The following EPB41L3 variants were observed in gnomAD, a reference collection of about 807,000 sequenced individuals.
EPB41L3 encodes the protein erythrocyte membrane protein band 4.1 like 3.
A neutral mutation model predicts 127.1 loss-of-function variants in EPB41L3; 57 were observed. The ratio of observed to expected loss-of-function variants is 0.45; its 90% confidence interval spans 0.36 to 0.56. The LOEUF is 0.56. EPB41L3 is among the 20% of genes least tolerant of loss of function. The pLI is 0.00. For missense variants in EPB41L3, 1,273 were observed against 1,372.2 expected (o/e 0.93, Z 1.14); for synonymous variants, 572 against 549.5 (o/e 1.04, Z -0.57).
rs77718075 is a variant in EPB41L3, at chr18:5,399,213, C to T, written c.2350-1070G>A. The T allele has an allele frequency of 6.4e-3, 2,558 of 398,930 alleles. 61 individuals carry two copies. The highest frequency in any genetic ancestry group is 0.048 in the African/African-American group (2,334 of 48,690). The allele number at this position is 398,930 out of a possible 1,614,324, so 24.7% of individuals were successfully genotyped here. A position where few individuals can be genotyped will look rare whatever the true frequency, so the allele number is the denominator to read the frequency against. ...GCTGTCTTCTTTCAGTTGCATTTCT[C>T]GAGCCAATTCTTCGAAGCTTTGCAT... On this transcript the variant is annotated intron_variant, in intron 16 of 22. Transcript: ENST00000341928.
At chr18:5,578,632 G>A (rs2094360655) in intron 3 of EPB41L3, among the ~76,000 whole-genome samples, 1 of 152,174 alleles carries the variant, frequency 6.6e-6, no homozygotes, top group Non-Finnish European at 1.5e-5. Context: ...AGCACATCAT[G>A]CCCATAAGCA....
At chr18:5,515,219 C>T (rs2092702194) in intron 1 of EPB41L3, among the ~76,000 whole-genome samples, 1 of 152,214 alleles carries the variant, frequency 6.6e-6, no homozygotes, top group African/African-American at 2.4e-5. Context: ...TAATTAGACT[C>T]TCCAGCTGCC....
chr18:5,508,617 A>C (rs1261708653), intron 1 of EPB41L3, among the ~76,000 whole-genome samples: 1 of 151,902 alleles, frequency 6.6e-6, no homozygotes, highest in Non-Finnish European at 1.5e-5. Context: ...AATACAAAAA[A>C]TTAGCCGGGC....
chr18:5,462,702 T>C lies in EPB41L3; in HGVS notation c.381+15539A>G, dbSNP rs535229138. ...AAGGTTAGTATCCCCCAGAGCTCTGTTATTAAGGCTCTTTTCTTCTTGCTC... is the reference window on the plus strand; with the variant it reads ...AAGGTTAGTATCCCCCAGAGCTCTGCTATTAAGGCTCTTTTCTTCTTGCTC... On this transcript the variant is annotated intron_variant, in intron 3 of 22. Coordinates refer to ENST00000341928, the MANE Select transcript of EPB41L3 (RefSeq NM_012307.5). 1.4e-4 allele frequency among the ~76,000 whole-genome samples: 22 copies of C among 152,280 alleles called. 1 individual carries two copies. In the East Asian group the frequency reaches 4.3e-3, roughly 29 times the overall value.
At chr18:5,408,806 T>C (rs747041925) in intron 14 of EPB41L3, among the ~76,000 whole-genome samples, 16 of 152,200 alleles carry the variant, frequency 1.1e-4, no homozygotes, top group Non-Finnish European at 2.4e-4. Context: ...GTCTAATCCC[T>C]GGACTGCTTT....
chr18:5,413,481 T>A (rs1233056849), intron 13 of EPB41L3, among the ~76,000 whole-genome samples: 1 of 152,158 alleles, frequency 6.6e-6, no homozygotes, highest in Non-Finnish European at 1.5e-5. Flanking sequence ...GATACAATAT[T>A]TAAAAAGAAT....
chr18:5,499,941 T>A (rs562521105), intron 1 of EPB41L3, among the ~76,000 whole-genome samples: 3 of 151,830 alleles, frequency 2.0e-5, no homozygotes. Flanking sequence ...TGACATTTAT[T>A]CCTGGGAAAC....
At chr18:5,629,798 G>A (rs1315873689), upstream of EPB41L3, among the ~76,000 whole-genome samples, 1 of 152,166 alleles carries the variant, frequency 6.6e-6, no homozygotes, top group East Asian at 1.9e-4. Context: ...TGCCGGGACC[G>A]GGGAGCCAGA....
chr18:5,540,025 C>T (rs2093677170), intron 1 of EPB41L3, among the ~76,000 whole-genome samples: 2 of 152,056 alleles, frequency 1.3e-5, no homozygotes, highest in Non-Finnish European at 2.9e-5. Context: ...TTTAGAGAGA[C>T]CACATACTTT....
At chr18:5,464,192 C>G (rs2084545154) in intron 3 of EPB41L3, among the ~76,000 whole-genome samples, 1 of 152,124 alleles carries the variant, frequency 6.6e-6, no homozygotes, top group African/African-American at 2.4e-5. Context: ...AAGAATTAAA[C>G]TAAATTAAAA....
intron 1 of EPB41L3, among the ~76,000 whole-genome samples, chr18:5,515,293 T>C (rs2092705765): frequency 6.6e-6 from 1 of 152,166 alleles, no homozygotes; most frequent in African/African-American, 2.4e-5. Context: ...TAAAAAGTCT[T>C]CTTCAAGATG....
chr18:5,407,597 G>A, intron 15 of EPB41L3, 104 bp downstream of exon 15: 1 of 1,215,172 alleles, frequency 8.2e-7, no homozygotes, highest in Non-Finnish European at 1.2e-6. Context: ...ATGGTAACCA[G>A]CTACAGAGCA....
intron 3 of EPB41L3, among the ~76,000 whole-genome samples, chr18:5,572,083 A>T (rs547575648): frequency 6.6e-6 from 1 of 152,306 alleles, no homozygotes; most frequent in African/African-American, 2.4e-5. Flanking sequence ...TCTCACCAGT[A>T]GGCTTGGGAG....
In EPB41L3 at chr18:5,433,530, A is replaced by G. The variant is rs376224922; in HGVS notation, c.851T>C (p.Met284Thr). 1.9e-6 allele frequency: 3 copies of G among 1,613,230 alleles called. No individual in the cohort carries two copies. In the African/African-American group the frequency reaches 4.0e-5, roughly 22 times the overall value. Reference protein sequence around the residue: ...HRGMTPAEAEMHFLENAKKLS... With the variant: ...HRGMTPAEAETHFLENAKKLS... Reference sequence around the variant, plus strand: ...TTTTTTGGCATTTTCCAAGAAATGCATCTCTGCTTCTGCTGGCGTCATTCC... The same window carrying G: ...TTTTTTGGCATTTTCCAAGAAATGCGTCTCTGCTTCTGCTGGCGTCATTCC... Residue 284 changes from methionine (M) to threonine (T), a missense_variant, in exon 8 of 23, where the codon ATG (methionine) becomes ACG (threonine). Met to Thr is a moderately conservative substitution (Grantham distance 81). Coordinates refer to ENST00000341928, the MANE Select transcript of EPB41L3 (RefSeq NM_012307.5).
At chr18:5,523,005 A>C (rs2093059593) in intron 1 of EPB41L3, among the ~76,000 whole-genome samples, 1 of 152,240 alleles carries the variant, frequency 6.6e-6, no homozygotes, top group Non-Finnish European at 1.5e-5. Context: ...GAGTACATAA[A>C]AAATATTTTA....
chr18:5,629,583 C>T (rs73937194), upstream of EPB41L3, among the ~76,000 whole-genome samples: 1 of 152,116 alleles, frequency 6.6e-6, no homozygotes, highest in Non-Finnish European at 1.5e-5. Context: ...AGGTTCGCAC[C>T]TTCCCGGAAG....
chr18:5,611,844 T>C (rs8090893), intron 3 of EPB41L3, among the ~76,000 whole-genome samples: 11,357 of 152,010 alleles, frequency 0.075, 1,314 homozygotes, highest in African/African-American at 0.25. Context: ...AGGGTACTTC[T>C]TATACTCGGG....
upstream of EPB41L3, among the ~76,000 whole-genome samples, chr18:5,547,978 G>A (rs2093908289): frequency 6.6e-6 from 1 of 152,168 alleles, no homozygotes; most frequent in Non-Finnish European, 1.5e-5. Context: ...ATTGACGCTT[G>A]AGCAAACCCT....
At chr18:5,516,698 G>T (rs1005883280) in intron 1 of EPB41L3, among the ~76,000 whole-genome samples, 3 of 151,992 alleles carry the variant, frequency 2.0e-5, no homozygotes, top group Admixed American at 6.5e-5. Context: ...AGACAGACTT[G>T]GTTTTTTTAA....
Sources: allele counts gnomAD v4.1 joint callset (sites outside exome capture counted in the v4.1 genomes callset), GRCh38; gene constraint gnomAD v4.1.1; transcripts MANE v1.5; gene names NCBI Gene and HGNC (gene_info 2026-07-23, HGNC 2026-07-21).